The following ZFHX3 variants were observed in gnomAD, a reference collection of about 807,000 sequenced individuals.
The protein encoded by ZFHX3 is zinc finger homeobox 3.
In ZFHX3, 42 loss-of-function variants were observed where a neutral mutation model predicts 279.1. That is an observed-to-expected ratio of 0.15 (90% CI 0.12 to 0.19). ZFHX3 has a LOEUF of 0.19. ZFHX3 is among the 10% of genes least tolerant of loss of function. The pLI is 1.00. For missense variants in ZFHX3, 4,981 were observed against 4,754.0 expected (o/e 1.05, Z -1.40); for synonymous variants, 2,293 against 1,957.8 (o/e 1.17, Z -4.52).
chr16:73,603,712 T>G (rs1288336691), intron 2 of ZFHX3, among the ~76,000 whole-genome samples: 2 of 151,490 alleles, frequency 1.3e-5, no homozygotes, highest in African/African-American at 4.9e-5. Flanking sequence ...ATTATATCAT[T>G]ATGAAATGGA....
At chr16:73,447,239 G>A (rs1361357581) in intron 3 of ZFHX3, among the ~76,000 whole-genome samples, 1 of 149,550 alleles carries the variant, frequency 6.7e-6, no homozygotes, top group Non-Finnish European at 1.5e-5. Context: ...TCTAATAAAA[G>A]GAACAAGAAG....
chr16:73,158,486 CT>C (rs567160610), intron 5 of ZFHX3, among the ~76,000 whole-genome samples: 35 of 151,544 alleles, frequency 2.3e-4, no homozygotes, highest in East Asian at 5.8e-4. Flanking sequence ...CTTTTAAAAA[CT>C]TTTTTTTATC....
At chr16:73,334,548 C>T (rs1211432063) in intron 3 of ZFHX3, among the ~76,000 whole-genome samples, 1 of 152,062 alleles carries the variant, frequency 6.6e-6, no homozygotes, top group Non-Finnish European at 1.5e-5. Context: ...CCGCTGCAGC[C>T]CCCGAGGTTG....
chr16:72,832,259 C>A (rs2037077754), intron 4 of ZFHX3, among the ~76,000 whole-genome samples: 1 of 152,102 alleles, frequency 6.6e-6, no homozygotes, highest in African/African-American at 2.4e-5. Flanking sequence ...CCTTACCAAA[C>A]AAATCTGTTG....
At chr16:73,646,882 G>C (rs2052622773) in intron 2 of ZFHX3, among the ~76,000 whole-genome samples, 1 of 152,176 alleles carries the variant, frequency 6.6e-6, no homozygotes, top group South Asian at 2.1e-4. Flanking sequence ...TCGTCTCAGA[G>C]GGATTGTATA....
In ZFHX3 at chr16:72,913,384, G is replaced by A. The variant is rs75847797; in HGVS notation, c.3217-23422C>T. On this transcript the variant is annotated intron_variant, in intron 3 of 9. Coordinates refer to ENST00000268489, the MANE Select transcript of ZFHX3 (RefSeq NM_006885.4). Reference sequence around the variant, plus strand: ...TTTCCTTGTCCTGAAAGACCTGGGCGCTTCTGACAGGGGCAGGTCAGTAGA... The same window carrying A: ...TTTCCTTGTCCTGAAAGACCTGGGCACTTCTGACAGGGGCAGGTCAGTAGA... Among the ~76,000 whole-genome samples the A allele has an allele frequency of 1.0e-2, 1,522 of 152,298 alleles. 44 individuals are homozygous for A. The highest frequency in any genetic ancestry group is 0.037 in the East Asian group (192 of 5,180).
rs1474571004 is a variant in ZFHX3 at position 72,796,792 on chromosome 16, T to C, written c.5890A>G (p.Lys1964Glu). ...CCATTCTTTTTCTGCACCTTCTGCT[T>C]GTTCTCATTATACTGGATGACCAAC... ...FELVIQYNEN[K>E]QKVQKKNGKT... The change falls in exon 9 of 10, where the codon AAG becomes GAG. Residue 1964 changes from lysine to glutamate, a missense_variant. Lys to Glu is a moderately conservative substitution (Grantham distance 56). This residue lies in a region of ZFHX3 where 1,751 missense variants were observed against 1,770.0 expected (regional missense o/e 0.99). Transcript: ENST00000268489. The C allele has an allele frequency of 6.2e-7, 1 of 1,613,446 alleles. No homozygotes were observed. Among genetic ancestry groups the C allele is most frequent in the Non-Finnish European group, 8.5e-7 (1 of 1,179,914 alleles).
chr16:72,932,653 C>CAAAAAAAAAAAAAAAAA (rs3079316), intron 3 of ZFHX3, among the ~76,000 whole-genome samples: 1 of 103,266 alleles, frequency 9.7e-6, no homozygotes, highest in Non-Finnish European at 2.0e-5. Context: ...TGCTCCGCAC[C>CAAAAAAAAAAAAAAAAA]AAAAAAAAAA....
chr16:73,162,505 T>G (rs1208032958), intron 5 of ZFHX3, among the ~76,000 whole-genome samples: 2 of 152,192 alleles, frequency 1.3e-5, no homozygotes, highest in Non-Finnish European at 2.9e-5. Context: ...ACACAATAAA[T>G]GTAATGTAAT....
chr16:73,640,357 C>T (rs1392133244), intron 2 of ZFHX3, among the ~76,000 whole-genome samples: 2 of 152,042 alleles, frequency 1.3e-5, no homozygotes, highest in East Asian at 3.9e-4. Flanking sequence ...TGCTCTCGAA[C>T]ACAGCAAGTC....
chr16:73,177,567 T>C (rs1458314364), intron 5 of ZFHX3, among the ~76,000 whole-genome samples: 1 of 152,214 alleles, frequency 6.6e-6, no homozygotes, highest in Non-Finnish European at 1.5e-5. Flanking sequence ...GATGTGATCT[T>C]TCCCAAAATA....
At chr16:73,078,370 A>G (rs1965908984) in intron 8 of ZFHX3, among the ~76,000 whole-genome samples, 1 of 152,146 alleles carries the variant, frequency 6.6e-6, no homozygotes, top group Non-Finnish European at 1.5e-5. Flanking sequence ...TTGAAATGAA[A>G]TTCAGGTATC....
intron 5 of ZFHX3, among the ~76,000 whole-genome samples, chr16:73,236,978 C>T (rs2012969461): frequency 6.6e-6 from 1 of 152,194 alleles, no homozygotes; most frequent in Admixed American, 6.5e-5. Flanking sequence ...ATCTCACAAT[C>T]GTGCAGGGCT....
rs769181542 is a variant in ZFHX3 at position 72,796,906 on chromosome 16, C to A, written c.5776G>T (p.Gly1926Cys). ...KEKKELAPGG[G>C]SEPSMLPPRI... ...GGAGGGAGCATGGAAGGCTCAGAAC[C>A]ACCCCCTGGTGCCAACTCTTTCTTC... is the stretch of plus-strand genomic sequence containing the variant. Residue 1926 changes from glycine (G) to cysteine (C), a missense_variant, in exon 9 of 10, where the codon GGT becomes TGT. Gly to Cys is a radical substitution (Grantham distance 159). Transcript: ENST00000268489. 27 of 1,613,822 alleles carry A rather than the reference C, an allele frequency of 1.7e-5. No homozygotes were observed. Among genetic ancestry groups the A allele is most frequent in the Non-Finnish European group, 1.7e-6 (2 of 1,180,012 alleles).
intron 5 of ZFHX3, among the ~76,000 whole-genome samples, chr16:73,179,200 A>G (rs1967734909): frequency 6.6e-6 from 1 of 152,212 alleles, no homozygotes; most frequent in South Asian, 2.1e-4. Flanking sequence ...AGCACTATAC[A>G]TTGATTTTTA....
In ZFHX3 at chr16:72,783,171, ATTTT is replaced by A. The variant is rs936897804; in HGVS notation, c.*3989_*3992del. Reference sequence around the variant, plus strand: ...CATCATTTTTGGTTTCACTTGCTCTATTTTTTTTGTTGTTTTTTGTTTTTTTTTC... The same window carrying A: ...CATCATTTTTGGTTTCACTTGCTCTATTTTGTTGTTTTTTGTTTTTTTTTC... On this transcript the variant is annotated 3_prime_UTR_variant, in exon 10 of 10. Coordinates refer to ENST00000268489, the MANE Select transcript of ZFHX3 (RefSeq NM_006885.4). 6.6e-6 allele frequency: 1 copy of A among 151,616 alleles called. No homozygotes were observed. Among genetic ancestry groups the A allele is most frequent in the African/African-American group, 2.4e-5 (1 of 41,046 alleles). The allele number at this position is 151,616 out of a possible 1,614,324, so 9.4% of individuals were successfully genotyped here.
intron 1 of ZFHX3, among the ~76,000 whole-genome samples, chr16:73,831,466 G>A (rs1215927341): frequency 6.6e-6 from 1 of 152,188 alleles, no homozygotes; most frequent in Non-Finnish European, 1.5e-5. Context: ...AGCTGGAAGA[G>A]TGAGGTTTCG....
At chr16:73,589,489 TG>T (rs1393188537) in intron 2 of ZFHX3, among the ~76,000 whole-genome samples, 1 of 149,292 alleles carries the variant, frequency 6.7e-6, no homozygotes, top group African/African-American at 2.5e-5. Context: ...CCCAGCACTT[TG>T]GGAGGCTGTG....
intron 1 of ZFHX3, among the ~76,000 whole-genome samples, chr16:73,758,772 T>C (rs538313809): frequency 3.9e-5 from 6 of 152,292 alleles, no homozygotes; most frequent in African/African-American, 1.4e-4. Flanking sequence ...TACCTACAAT[T>C]TGGAATTATT....
Sources: allele counts gnomAD v4.1 joint callset (sites outside exome capture counted in the v4.1 genomes callset), GRCh38; gene constraint gnomAD v4.1.1; regional missense constraint gnomAD v4.1.1; transcripts MANE v1.5; gene names NCBI Gene and HGNC (gene_info 2026-07-23, HGNC 2026-07-21).